Variants in PDGFRL observed in about 807,000 individuals in gnomAD.
PDGFRL encodes the protein platelet derived growth factor receptor like, also known as platelet-derived growth factor receptor-like protein.
PDGFRL carries 46 observed loss-of-function variants against 37.2 expected under a neutral mutation model. The ratio of observed to expected loss-of-function variants is 1.24; its 90% CI spans 0.98 to 1.58. PDGFRL has a LOEUF of 1.58. Ranked by LOEUF, PDGFRL falls within the 40% of genes most tolerant of loss-of-function variation. The pLI is 0.00. For missense variants in PDGFRL, 692 were observed against 467.6 expected, an observed-to-expected ratio of 1.48 and a Z score of -4.43; for synonymous variants, 251 against 184.3, an observed-to-expected ratio of 1.36 and a Z score of -2.93.
intron 1 of PDGFRL, among the ~76,000 whole-genome samples, chr8:17,578,019 A>T (rs1010963845): frequency 1.3e-5 from 2 of 151,540 alleles, no homozygotes; most frequent in Admixed American, 1.3e-4. Flanking sequence ...TGTCGTGTAC[A>T]CCCGTGACCA....
At chr8:17,610,225 C>T (rs1585317364) in intron 2 of PDGFRL, among the ~76,000 whole-genome samples, 1 of 152,140 alleles carries the variant, frequency 6.6e-6, no homozygotes, top group Admixed American at 6.5e-5. Context: ...TTCAGCTGAG[C>T]AGAGCTGGGG....
intron 2 of PDGFRL, among the ~76,000 whole-genome samples, chr8:17,595,008 T>G (rs1292943953): frequency 1.3e-5 from 2 of 149,770 alleles, no homozygotes; most frequent in Non-Finnish European, 3.0e-5. Context: ...CACGTACATT[T>G]TTTTTTTTTC....
chr8:17,604,885 G>C (rs571723981), intron 2 of PDGFRL, among the ~76,000 whole-genome samples: 1 of 152,134 alleles, frequency 6.6e-6, no homozygotes, highest in Non-Finnish European at 1.5e-5. Flanking sequence ...AGGCTGAGGC[G>C]GGTGAATCAC....
At chr8:17,600,360 A>G (rs774043715) in intron 2 of PDGFRL, among the ~76,000 whole-genome samples, 26 of 151,996 alleles carry the variant, frequency 1.7e-4, no homozygotes, top group Admixed American at 3.9e-4. Flanking sequence ...CCAGCTCTGA[A>G]TCCTCCACTC....
At chr8:17,627,020 A>G (rs548282888) in intron 3 of PDGFRL, among the ~76,000 whole-genome samples, 38 of 152,118 alleles carry the variant, frequency 2.5e-4, no homozygotes, top group Non-Finnish European at 5.4e-4. Context: ...CCCCTCCGCT[A>G]ACCTTGGCAG....
intron 1 of PDGFRL, among the ~76,000 whole-genome samples, chr8:17,581,931 G>A (rs1367674131): frequency 6.6e-6 from 1 of 152,184 alleles, no homozygotes; most frequent in Non-Finnish European, 1.5e-5. Context: ...TGAAAGTGTG[G>A]AAGCAGCTTT....
At chr8:17,592,914 A>ACG (rs1038643013) in intron 2 of PDGFRL, among the ~76,000 whole-genome samples, 13 of 4,564 alleles carry the variant, frequency 2.8e-3, no homozygotes, top group East Asian at 0.14. Context: ...ACCCACATAC[A>ACG]TGCACACACA....
At chr8:17,606,917 A>T (rs1300260263) in intron 2 of PDGFRL, among the ~76,000 whole-genome samples, 1 of 115,266 alleles carries the variant, frequency 8.7e-6, no homozygotes, top group African/African-American at 4.0e-5. Context: ...TTTTTTTGAG[A>T]CGGAGTCTTG....
At chr8:17,623,626 G>A (rs1431377672) in intron 3 of PDGFRL, among the ~76,000 whole-genome samples, 1 of 152,108 alleles carries the variant, frequency 6.6e-6, no homozygotes, top group African/African-American at 2.4e-5. Context: ...CTGTAATCCA[G>A]CACTTTGGGA....
chr8:17,621,636 G>T (rs766862182), intron 3 of PDGFRL, among the ~76,000 whole-genome samples: 6 of 152,126 alleles, frequency 3.9e-5, no homozygotes, highest in Non-Finnish European at 5.9e-5. Flanking sequence ...CACATTTCAA[G>T]TGCTCAACTG....
intron 2 of PDGFRL, among the ~76,000 whole-genome samples, chr8:17,615,877 C>G (rs2129740255): frequency 6.6e-6 from 1 of 152,334 alleles, no homozygotes; most frequent in African/African-American, 2.4e-5. Flanking sequence ...CCACTGTACT[C>G]AAAGCCTGGG....
chr8:17,637,324 T>G (rs1233659947), intron 5 of PDGFRL, among the ~76,000 whole-genome samples: 1 of 152,188 alleles, frequency 6.6e-6, no homozygotes. Flanking sequence ...GTTTTTTGTG[T>G]GTCTGTTGAG....
chr8:17,577,333 C>A (rs573672209), intron 1 of PDGFRL, 26 bp downstream of exon 1: 18 of 1,597,524 alleles, frequency 1.1e-5, no homozygotes, highest in Non-Finnish European at 1.5e-5. Context: ...CGCGGGGCCA[C>A]CTAGCTTGTG....
intron 2 of PDGFRL, among the ~76,000 whole-genome samples, chr8:17,602,825 A>G (rs777561152): frequency 6.6e-5 from 10 of 152,338 alleles, no homozygotes; most frequent in Non-Finnish European, 1.2e-4. Context: ...TCCTATCACC[A>G]GTAAATGAAG....
intron 4 of PDGFRL, among the ~76,000 whole-genome samples, chr8:17,630,036 C>G (rs964705083): frequency 1.3e-5 from 2 of 152,304 alleles, no homozygotes; most frequent in South Asian, 4.1e-4. Context: ...CACAACTAAC[C>G]TTCTCCCCAT....
Position 17,591,083 on chromosome 8 carries a change from T to C in PDGFRL, c.353+1318T>C, listed in dbSNP as rs529339754. 3.6e-3 allele frequency among the ~76,000 whole-genome samples: 545 copies of C among 152,074 alleles called. 2 individuals carry two copies. Among genetic ancestry groups the C allele is most frequent in the African/African-American group, 0.012 (514 of 41,488 alleles). ...TTTTTTAGTAGAGACAGAGTTTCACTATGTTAGCCAGGATGGTCTCAATCT... is the reference window on the plus strand; with the variant it reads ...TTTTTTAGTAGAGACAGAGTTTCACCATGTTAGCCAGGATGGTCTCAATCT... On this transcript the variant is annotated intron_variant, in intron 2 of 5. Transcript: ENST00000251630.
chr8:17,626,107 A>C (rs1192894283), intron 3 of PDGFRL, among the ~76,000 whole-genome samples: 1 of 152,250 alleles, frequency 6.6e-6, no homozygotes, highest in Non-Finnish European at 1.5e-5. Context: ...TTTAAAACAA[A>C]AGTTGCCTCT....
chr8:17,606,888 TTTTTTG>T (rs1296680951), intron 2 of PDGFRL, among the ~76,000 whole-genome samples: 73 of 9,232 alleles, frequency 7.9e-3, no homozygotes, highest in Non-Finnish European at 7.6e-3. Flanking sequence ...CGTTTTTTGT[TTTTTTG>T]TTTTTTTTTT....
At chr8:17,627,000 C>T (rs1037628274) in intron 3 of PDGFRL, among the ~76,000 whole-genome samples, 10 of 152,178 alleles carry the variant, frequency 6.6e-5, no homozygotes, top group African/African-American at 2.4e-4. Flanking sequence ...TCCTTCAAGC[C>T]GACGCCATTC....
Sources: allele counts gnomAD v4.1 joint callset (sites outside exome capture counted in the v4.1 genomes callset), GRCh38; gene constraint gnomAD v4.1.1; transcripts MANE v1.5; gene names NCBI Gene and HGNC (gene_info 2026-07-23, HGNC 2026-07-21).